The following CDC5L variants were observed in gnomAD, a reference collection of about 807,000 sequenced individuals.
The protein encoded by CDC5L is cell division cycle 5-like protein.
A neutral mutation model predicts 104.1 loss-of-function variants in CDC5L; 18 were observed. The observed-to-expected ratio is 0.17, with a 90% CI of 0.12 to 0.26. The LOEUF (loss-of-function observed/expected upper bound fraction) is 0.26, where lower values mean the gene tolerates loss of function less well. Ranked by LOEUF, CDC5L falls within the 10% of genes least tolerant of loss-of-function variation. CDC5L has a pLI of 1.00. For synonymous variants in CDC5L, 331 were observed against 322.7 expected, an observed-to-expected ratio of 1.03 and a Z score of -0.28; for missense variants, 673 against 956.9, an observed-to-expected ratio of 0.70 and a Z score of 3.91.
At position 44,431,443 on chromosome 6, in the gene CDC5L, G is replaced by A. The variant is rs556979309; in HGVS notation, c.2091+1533G>A. Among the ~76,000 whole-genome samples, 10 of 152,284 alleles carry A rather than the reference G, an allele frequency of 6.6e-5. No individual in the cohort carries two copies. In the South Asian group the frequency reaches 1.9e-3, roughly 28 times the overall value. ...ATAAATGGTAGTTAGCAGTGTAATT[G>A]TGATCTAATATCAGCATCATCACTG... On this transcript the variant is annotated intron_variant, in intron 14 of 15. Transcript: ENST00000371477.
intron 13 of CDC5L, 23 bp from the exon 14 acceptor site, chr6:44,429,690 A>G (rs1792592106): frequency 1.2e-6 from 2 of 1,605,036 alleles, no homozygotes; most frequent in Non-Finnish European, 8.5e-7. Flanking sequence ...ACTTAAACTT[A>G]TTGAAATTAT....
chr6:44,430,576 CTTT>C (rs547630955), intron 14 of CDC5L, among the ~76,000 whole-genome samples: 3 of 136,078 alleles, frequency 2.2e-5, no homozygotes, highest in Admixed American at 7.4e-5. Flanking sequence ...CTTGTGCATT[CTTT>C]TTTTTTTTTT....
At chr6:44,429,679 TACTTAA>T in intron 13 of CDC5L, 28 bp from the exon 14 acceptor site, 1 of 1,574,674 alleles carries the variant, frequency 6.4e-7, no homozygotes, top group East Asian at 2.2e-5. Flanking sequence ...GTGTTTGTAG[TACTTAA>T]ACTTATTGAA....
At chr6:44,429,978 C>A in intron 14 of CDC5L, 68 bp downstream of exon 14, 2 of 1,258,524 alleles carry the variant, frequency 1.6e-6, no homozygotes, top group Non-Finnish European at 2.2e-6. Flanking sequence ...AATAATGCCA[C>A]TGGAGACAAT....
chr6:44,424,424 A>G lies in CDC5L; in HGVS notation c.1410A>G (p.Arg470=), dbSNP rs761357646. ...GGACCACTTCTTTTCTACAGGAAAGAGAATCCCGAGAACATCTCCGTTTAG... is the reference window on the plus strand; with the variant it reads ...GGACCACTTCTTTTCTACAGGAAAGGGAATCCCGAGAACATCTCCGTTTAG... ...SDPSYVKQME[R]ESREHLRLGL... The change falls in exon 11 of 16, where the codon AGA becomes AGG. Residue 470 remains arginine, a synonymous_variant. Coordinates refer to ENST00000371477, the MANE Select transcript of CDC5L (RefSeq NM_001253.4). 7.8e-5 allele frequency: 125 copies of G among 1,612,150 alleles called. No individual in the cohort carries two copies. The highest frequency in any genetic ancestry group is 1.0e-4 in the Non-Finnish European group (120 of 1,178,720).
intron 7 of CDC5L, among the ~76,000 whole-genome samples, chr6:44,407,929 G>T (rs971084368): frequency 6.6e-6 from 1 of 151,996 alleles, no homozygotes; most frequent in Non-Finnish European, 1.5e-5. Flanking sequence ...CTTGTGGCTC[G>T]CTGGACCCTT....
At chr6:44,408,661 T>C (rs1450175065) in intron 8 of CDC5L, 29 bp downstream of exon 8, 1 of 1,500,570 alleles carries the variant, frequency 6.7e-7, no homozygotes, top group Admixed American at 2.0e-5. Context: ...GAATGAGGCT[T>C]TTACTTTGTT....
rs746366391 is a variant in CDC5L at position 44,424,528 on chromosome 6, G to A, written c.1514G>A (p.Arg505His). 8 of 1,613,984 alleles carry A rather than the reference G, an allele frequency of 5.0e-6. No individual in the cohort carries two copies. Among genetic ancestry groups the A allele is most frequent in the Admixed American group, 1.7e-5 (1 of 59,996 alleles). The change falls in exon 11 of 16, where the codon CGT (arginine) becomes CAT (histidine). Residue 505 changes from arginine to histidine, a missense_variant. Around this residue, in one of 4 missense-constraint regions of CDC5L, gnomAD observed 578 missense variants for 737.0 expected, o/e 0.78. Coordinates refer to ENST00000371477, the MANE Select transcript of CDC5L (RefSeq NM_001253.4). ...PENAEKELEEREIDDTYIEDA... is the reference protein window; with the variant it reads ...PENAEKELEEHEIDDTYIEDA... The stretch of plus-strand genomic sequence containing the variant: ...AATGCCGAGAAGGAGCTGGAAGAAC[G>A]TGAAATAGATGATACTTACATTGAA...
At chr6:44,412,120 T>G (rs1018712514) in intron 8 of CDC5L, among the ~76,000 whole-genome samples, 1 of 152,184 alleles carries the variant, frequency 6.6e-6, no homozygotes, top group South Asian at 2.1e-4. Context: ...GGCCCTGAAG[T>G]GATGGAGATG....
At chr6:44,404,214 G>A (rs77382637) in intron 6 of CDC5L, among the ~76,000 whole-genome samples, 187 bp downstream of exon 6, 53 of 151,924 alleles carry the variant, frequency 3.5e-4, no homozygotes, top group African/African-American at 1.2e-3. Flanking sequence ...GCACAAACAC[G>A]GCTTACTGAA....
At chr6:44,442,508 A>G (rs578136646) in intron 14 of CDC5L, among the ~76,000 whole-genome samples, 2 of 152,028 alleles carry the variant, frequency 1.3e-5, no homozygotes, top group Admixed American at 6.6e-5. Flanking sequence ...TGAGGCTTAC[A>G]TAAAACAGCT....
At chr6:44,410,543 A>G (rs1333850495) in intron 8 of CDC5L, among the ~76,000 whole-genome samples, 1 of 152,188 alleles carries the variant, frequency 6.6e-6, no homozygotes, top group Non-Finnish European at 1.5e-5. Context: ...CTCTTGGTTG[A>G]TAGTATAACT....
intron 5 of CDC5L, among the ~76,000 whole-genome samples, chr6:44,403,304 G>T (rs1581645982): frequency 1.4e-5 from 2 of 145,930 alleles, no homozygotes; most frequent in African/African-American, 2.5e-5. Flanking sequence ...GTTTCCTTTT[G>T]CTCTTTTTAC....
intron 1 of CDC5L, among the ~76,000 whole-genome samples, chr6:44,388,729 A>G (rs1583103837): frequency 7.7e-6 from 1 of 129,172 alleles, no homozygotes; most frequent in South Asian, 2.3e-4. Context: ...CATCTTTCTG[A>G]TCATCCTTCA....
Position 44,408,267 on chromosome 6 carries a change from G to GT in CDC5L, c.904-162dup, listed in dbSNP as rs375757131. Among the ~76,000 whole-genome samples the GT allele has an allele frequency of 4.8e-3, 666 of 138,112 alleles. 2 individuals carry two copies. The highest frequency in any genetic ancestry group is 7.1e-3 in the Admixed American group (98 of 13,730). 90.6% of individuals were successfully genotyped at this position (138,112 alleles called of 152,430 possible). A position where few individuals can be genotyped will look rare whatever the true frequency, so the allele number is the denominator to read the frequency against. Reference sequence around the variant, plus strand: ...GTGTCAGCTCTCAGTTAAAATGTTGGTTTTTTTTTTTTTTTCAATAGAGAC... The same window carrying GT: ...GTGTCAGCTCTCAGTTAAAATGTTGGTTTTTTTTTTTTTTTTCAATAGAGAC... On this transcript the variant is annotated intron_variant, in intron 7 of 15. Coordinates refer to ENST00000371477, the MANE Select transcript of CDC5L (RefSeq NM_001253.4).
At chr6:44,408,268 T>G (rs1278914375) in intron 7 of CDC5L, among the ~76,000 whole-genome samples, 176 bp from the exon 8 acceptor site, 2 of 137,994 alleles carry the variant, frequency 1.4e-5, no homozygotes, top group African/African-American at 5.3e-5. Context: ...AAAATGTTGG[T>G]TTTTTTTTTT....
At chr6:44,408,398 G>A (rs755414360) in intron 7 of CDC5L, 46 bp from the exon 8 acceptor site, 17 of 1,463,050 alleles carry the variant, frequency 1.2e-5, no homozygotes, top group East Asian at 9.2e-5. Context: ...CACTGTGCCC[G>A]GCCTCAGTTA....
At chr6:44,403,672 T>TG in intron 5 of CDC5L, 137 bp from the exon 6 acceptor site, 3 of 627,140 alleles carry the variant, frequency 4.8e-6, no homozygotes, top group Non-Finnish European at 8.0e-6. Flanking sequence ...GGATTTGTTT[T>TG]GGTGAATGGT....
chr6:44,429,652 C>A, intron 13 of CDC5L, 61 bp from the exon 14 acceptor site: 1 of 1,454,502 alleles, frequency 6.9e-7, no homozygotes, highest in Non-Finnish European at 9.5e-7. Flanking sequence ...TCTTCTAAAG[C>A]TCTCTGGATA....
Sources: allele counts gnomAD v4.1 joint callset (sites outside exome capture counted in the v4.1 genomes callset), GRCh38; gene constraint gnomAD v4.1.1; regional missense constraint gnomAD v4.1.1; transcripts MANE v1.5; gene names NCBI Gene and HGNC (gene_info 2026-07-23, HGNC 2026-07-21).